The following SETD2 variants were observed in gnomAD, a reference collection of about 807,000 sequenced individuals.
The protein encoded by SETD2 is histone-lysine N-methyltransferase SETD2.
In SETD2, 31 loss-of-function variants were observed where a neutral mutation model predicts 242.1. The ratio of observed to expected loss-of-function variants is 0.13; its 90% confidence interval spans 0.10 to 0.17. SETD2 has a LOEUF of 0.17. Among genes scored for constraint, SETD2 ranks in the 10% least tolerant of loss-of-function variants. The pLI is 1.00. For missense variants in SETD2, 2,481 were observed against 3,046.3 expected (o/e 0.81, Z 4.37); for synonymous variants, 1,006 against 1,066.5 (o/e 0.94, Z 1.11).
chr3:47,046,804 T>A, intron 15 of SETD2, 183 bp from the exon 16 acceptor site: 1 of 395,646 alleles, frequency 2.5e-6, no homozygotes, highest in Non-Finnish European at 4.4e-6. Flanking sequence ...CTTTTTTTAC[T>A]AATTCCCTAT....
chr3:47,101,722 T>C (rs1336572995), intron 7 of SETD2, among the ~76,000 whole-genome samples, 167 bp from the exon 8 acceptor site: 2 of 152,130 alleles, frequency 1.3e-5, no homozygotes, highest in Middle Eastern at 3.4e-3. Flanking sequence ...ACATGGAGAC[T>C]TTTTTCTTTA....
chr3:47,153,449 A>G (rs2044046168), intron 1 of SETD2, among the ~76,000 whole-genome samples: 1 of 152,206 alleles, frequency 6.6e-6, no homozygotes, highest in Non-Finnish European at 1.5e-5. Flanking sequence ...ACCATTTTCA[A>G]GAGACTCCCC....
intron 16 of SETD2, 151 bp from the exon 17 acceptor site, chr3:47,042,851 C>T: frequency 1.4e-6 from 1 of 717,878 alleles, no homozygotes; most frequent in South Asian, 1.9e-5. Flanking sequence ...AAATAAGGGA[C>T]AGTATATATA....
At chr3:47,076,495 TAGTA>T (rs781602246) in intron 12 of SETD2, among the ~76,000 whole-genome samples, 1 of 152,214 alleles carries the variant, frequency 6.6e-6, no homozygotes, top group Non-Finnish European at 1.5e-5. Flanking sequence ...CACTCACTAT[TAGTA>T]AGAAGTAATT....
rs1351585264 is a variant in SETD2 at position 47,017,684 on chromosome 3, A to G, written c.7487T>C (p.Val2496Ala). The part of the protein sequence containing the change: ...LNPYRKPDCK[V>A]GRITTTEDFK... The stretch of plus-strand genomic sequence containing the variant: ...GTCTTCAGTTGTGGTAATTCTTCCC[A>G]CTTTGCAGTCAGGTTTCCGGTAAGG... Residue 2496 changes from valine to alanine, a missense_variant, in exon 20 of 21, where the codon GTG becomes GCG. This residue lies in a region of SETD2 where 40 missense variants were observed against 89.5 expected (regional missense o/e 0.45). Transcript: ENST00000409792. This position sits in a 1 kb window ranked among gnomAD's most constrained non-coding sequence, Gnocchi z 4.8. 2 of 1,614,088 alleles carry G rather than the reference A, an allele frequency of 1.2e-6. No homozygotes were observed. Among genetic ancestry groups the G allele is most frequent in the Admixed American group, 3.3e-5 (2 of 60,024 alleles).
chr3:47,090,843 G>T (rs934778765), intron 9 of SETD2, among the ~76,000 whole-genome samples: 3 of 152,134 alleles, frequency 2.0e-5, no homozygotes, highest in Non-Finnish European at 4.4e-5. Context: ...TAAAAGGAAA[G>T]AATCTTAAGA....
chr3:47,104,469 GTT>G (rs2042332531), intron 6 of SETD2, among the ~76,000 whole-genome samples: 1 of 151,964 alleles, frequency 6.6e-6, no homozygotes, highest in African/African-American at 2.4e-5. Flanking sequence ...GAGCCCAGCA[GTT>G]CAAGGCTGCT....
rs776222172 is a variant in SETD2, at chr3:47,150,028, C to CATTTTTTT, written c.71+13825_71+13826insAAAAAAAT. On this transcript the variant is annotated intron_variant, in intron 1 of 20. Transcript: ENST00000409792. The stretch of plus-strand genomic sequence containing the variant: ...GTGTCTTTTGGCATATCCAAAAATA[C>CATTTTTTT]TTTTTTTTTTTTTTTTTTTTGAGAC... 1.6e-4 allele frequency among the ~76,000 whole-genome samples: 15 copies of CATTTTTTT among 92,446 alleles called. 1 individual carries two copies. Among genetic ancestry groups the CATTTTTTT allele is most frequent in the Admixed American group, 4.7e-4 (3 of 6,418 alleles). The allele number at this position is 92,446 out of a possible 152,430, so 60.6% of individuals were successfully genotyped here.
chr3:47,131,745 ATTG>A (rs913852682), intron 1 of SETD2, among the ~76,000 whole-genome samples: 3 of 150,970 alleles, frequency 2.0e-5, no homozygotes, highest in African/African-American at 4.9e-5. Flanking sequence ...CAGAGCAACT[ATTG>A]TTAAGTTTGC....
intron 1 of SETD2, among the ~76,000 whole-genome samples, chr3:47,144,779 TAAAACCCCA>T (rs1408102811): frequency 6.6e-6 from 1 of 151,990 alleles, no homozygotes; most frequent in African/African-American, 2.4e-5. Context: ...CCAACGTGGT[TAAAACCCCA>T]TGTCTACAAA....
intron 3 of SETD2, chr3:47,119,752 A>G: frequency 2.1e-6 from 1 of 465,828 alleles, no homozygotes; most frequent in Non-Finnish European, 4.4e-6. Context: ...ATGAAAACGG[A>G]CTAATACAGT....
intron 17 of SETD2, among the ~76,000 whole-genome samples, chr3:47,038,177 TA>T (rs1359161742): frequency 6.6e-6 from 1 of 152,168 alleles, no homozygotes; most frequent in African/African-American, 2.4e-5. Flanking sequence ...ACCTAGCATA[TA>T]AATGGAGCAA....
Position 47,086,325 on chromosome 3 carries a change from G to A in SETD2, c.5278-11C>T, listed in dbSNP as rs2041555590. 1.2e-6 allele frequency: 2 copies of A among 1,610,458 alleles called. No homozygotes were observed. Among genetic ancestry groups the A allele is most frequent in the Non-Finnish European group, 1.7e-6 (2 of 1,177,604 alleles). ...CTGTGAGTGTGTGTTCTTTCATGGG[G>A]GAAGGGAGACACGATGCAGAGCATT... On this transcript the variant is annotated splice_polypyrimidine_tract_variant and intron_variant, in intron 10 of 20. Coordinates refer to ENST00000409792, the MANE Select transcript of SETD2 (RefSeq NM_014159.7).
At position 47,098,032 on chromosome 3, in the gene SETD2, G is replaced by A. The variant is rs759751915; in HGVS notation, c.5065C>T (p.Leu1689=). The change falls in exon 9 of 21, where the codon CTG becomes TTG. Residue 1689 remains leucine, a synonymous_variant. Transcript: ENST00000409792. ...ATGCTGACTCTGTTTTCTCCTCCCA[G>A]GTAACCCCGGCAATTGGCTGATCCG... ...FCGSANCRGY[L]GGENRVSIRA... is the part of the protein sequence containing the mutation. 6.2e-7 allele frequency: 1 copy of A among 1,614,000 alleles called. No homozygotes were observed. Among genetic ancestry groups the A allele is most frequent in the East Asian group, 2.2e-5 (1 of 44,874 alleles).
rs1302560155 is a variant in SETD2, at chr3:47,016,678, A to G, written c.*415T>C. 1 of 236,918 alleles carries G rather than the reference A, an allele frequency of 4.2e-6. No individual in the cohort carries two copies. The highest frequency in any genetic ancestry group is 2.2e-5 in the African/African-American group (1 of 45,436). 14.7% of individuals were successfully genotyped at this position (236,918 alleles called of 1,614,324 possible). A position where few individuals can be genotyped will look rare whatever the true frequency, so the allele number is the denominator to read the frequency against. Reference sequence around the variant, plus strand: ...GCTAAAAGCAAAACGAAAACCAAACAAAAACCAGGAAAAAACAAATTATTT... The same window carrying G: ...GCTAAAAGCAAAACGAAAACCAAACGAAAACCAGGAAAAAACAAATTATTT... On this transcript the variant is annotated 3_prime_UTR_variant, in exon 21 of 21. Transcript: ENST00000409792.
chr3:47,099,108 T>C (rs1166156428), intron 8 of SETD2, among the ~76,000 whole-genome samples: 1 of 152,224 alleles, frequency 6.6e-6, no homozygotes, highest in Non-Finnish European at 1.5e-5. Context: ...CAGAGTTCAC[T>C]ATGTTTAAGA....
In SETD2 at chr3:47,103,326, C is replaced by T. The variant is rs1049845532; in HGVS notation, c.4917+20G>A. The T allele has an allele frequency of 1.9e-6, 3 of 1,556,750 alleles. No homozygotes were observed. Among genetic ancestry groups the T allele is most frequent in the Non-Finnish European group, 2.7e-6 (3 of 1,128,034 alleles). On this transcript the variant is annotated intron_variant, in intron 7 of 20. Transcript: ENST00000409792. ...CAATCGTGAACAAATACCTCAAACT[C>T]TAAATCCACCTCAACTTACTTTTTG... is the stretch of plus-strand genomic sequence containing the variant.
Position 47,042,647 on chromosome 3 carries a change from G to T in SETD2, c.7152C>A (p.Pro2384=), listed in dbSNP as rs1391231740. 1 of 1,612,778 alleles carries T rather than the reference G, an allele frequency of 6.2e-7. No individual in the cohort carries two copies. The highest frequency in any genetic ancestry group is 2.2e-5 in the East Asian group (1 of 44,834). The change falls in exon 17 of 21, where the codon CCC becomes CCA. Residue 2384 remains proline, a synonymous_variant. Coordinates refer to ENST00000409792, the MANE Select transcript of SETD2 (RefSeq NM_014159.7). ...GAGGTAAGACAATGGTTTTTGGTTT[G>T]GGAGGAGAGGGGGGCGGCAGATCCA... is the stretch of plus-strand genomic sequence containing the variant. ...NLLDLPPPSP[P]KPKTIVLPPN...
chr3:47,044,404 C>CTCGTAACA (rs2039428698), intron 16 of SETD2, among the ~76,000 whole-genome samples: 1 of 124,508 alleles, frequency 8.0e-6, no homozygotes, highest in Non-Finnish European at 1.6e-5. Context: ...AAGGGCTCAA[C>CTCGTAACA]TCGTAACAAG....
Sources: allele counts gnomAD v4.1 joint callset (sites outside exome capture counted in the v4.1 genomes callset), GRCh38; gene constraint gnomAD v4.1.1; regional missense constraint gnomAD v4.1.1; non-coding constraint Gnocchi (gnomAD v3.1); transcripts MANE v1.5; gene names NCBI Gene and HGNC (gene_info 2026-07-23, HGNC 2026-07-21).